PTPRK: variants seen among roughly 807,000 people sequenced by gnomAD.
PTPRK encodes the protein receptor-type tyrosine-protein phosphatase kappa.
Under a neutral mutation model 178.0 loss-of-function variants are expected in PTPRK, and 75 were observed. The observed-to-expected ratio is 0.42, with a 90% CI of 0.35 to 0.51. The LOEUF is 0.51. Among genes scored for constraint, PTPRK ranks in the 20% least tolerant of loss-of-function variants. The pLI is 0.02. For synonymous variants in PTPRK, 637 were observed against 620.6 expected, an observed-to-expected ratio of 1.03 and a Z score of -0.39; for missense variants, 1,441 against 1,797.8, an observed-to-expected ratio of 0.80 and a Z score of 3.59.
chr6:128,105,280 C>G (rs888562479), intron 7 of PTPRK, among the ~76,000 whole-genome samples: 2 of 151,986 alleles, frequency 1.3e-5, no homozygotes, highest in African/African-American at 4.8e-5. Flanking sequence ...ACTACAGGCG[C>G]CCGCCACCAC....
At chr6:128,337,698 C>T (rs1415928223) in intron 2 of PTPRK, among the ~76,000 whole-genome samples, 3 of 152,132 alleles carry the variant, frequency 2.0e-5, no homozygotes, top group South Asian at 2.1e-4. Context: ...CAGCATCACA[C>T]GAGTAATCAA....
intron 1 of PTPRK, among the ~76,000 whole-genome samples, chr6:128,492,844 C>T (rs1854027743): frequency 6.6e-6 from 1 of 152,218 alleles, no homozygotes; most frequent in Admixed American, 6.5e-5. Context: ...TAGTGCCACA[C>T]TTTCCACCTA....
At chr6:128,020,320 A>T (rs948820015) in intron 13 of PTPRK, among the ~76,000 whole-genome samples, 6 of 152,208 alleles carry the variant, frequency 3.9e-5, no homozygotes, top group Non-Finnish European at 7.3e-5. Flanking sequence ...TATATATTTA[A>T]ACATAGTGTT....
chr6:128,038,539 T>C (rs1776612361), intron 13 of PTPRK, among the ~76,000 whole-genome samples: 2 of 152,108 alleles, frequency 1.3e-5, no homozygotes, highest in Admixed American at 6.6e-5. Context: ...TCAATGACAA[T>C]GTCTGCAGAA....
chr6:128,211,772 T>C (rs973922697), intron 6 of PTPRK, among the ~76,000 whole-genome samples: 3 of 152,072 alleles, frequency 2.0e-5, no homozygotes, highest in African/African-American at 7.2e-5. Flanking sequence ...CATATAGTGG[T>C]AGAGAACCCT....
At chr6:128,409,206 T>C (rs1842023835) in intron 1 of PTPRK, 6 of 369,378 alleles carry the variant, frequency 1.6e-5, no homozygotes, top group Admixed American at 1.3e-4. Flanking sequence ...ATTACACCAA[T>C]AGCATTTTAA....
intron 7 of PTPRK, among the ~76,000 whole-genome samples, chr6:128,172,049 A>G (rs1481198027): frequency 6.6e-6 from 1 of 151,990 alleles, no homozygotes; most frequent in Non-Finnish European, 1.5e-5. Context: ...GACTAAGCAG[A>G]GCTTTAAAAA....
At chr6:128,228,754 T>G (rs1356718157) in intron 5 of PTPRK, among the ~76,000 whole-genome samples, 2 of 151,694 alleles carry the variant, frequency 1.3e-5, no homozygotes, top group Non-Finnish European at 2.9e-5. Context: ...AAATACCACA[T>G]ACCTGATGAC....
Position 128,301,288 on chromosome 6 carries a change from C to T in PTPRK, c.495+20751G>A, listed in dbSNP as rs550351286. ...TCCCAAAATAATGTTTTTACTCATA[C>T]ATTATTTTAAATCTTAAAATCAGAA... is the stretch of plus-strand genomic sequence containing the variant. On this transcript the variant is annotated intron_variant, in intron 3 of 29. Transcript: ENST00000368226. 1.3e-4 allele frequency among the ~76,000 whole-genome samples: 20 copies of T among 152,026 alleles called. 1 individual carries two copies. The highest frequency in any genetic ancestry group is 4.6e-4 in the African/African-American group (19 of 41,492).
intron 3 of PTPRK, among the ~76,000 whole-genome samples, chr6:128,298,194 C>G (rs1824855939): frequency 1.3e-5 from 2 of 152,174 alleles, no homozygotes; most frequent in Admixed American, 1.3e-4. Context: ...AGTTGACTCT[C>G]TGAATAGACC....
intron 18 of PTPRK, among the ~76,000 whole-genome samples, chr6:127,994,911 C>CTAA (rs1445094954): frequency 6.6e-6 from 1 of 151,860 alleles, no homozygotes; most frequent in African/African-American, 2.4e-5. Context: ...TTCAGTAACA[C>CTAA]TAATACACAT....
At chr6:128,338,185 G>T (rs1213457003) in intron 2 of PTPRK, among the ~76,000 whole-genome samples, 1 of 152,178 alleles carries the variant, frequency 6.6e-6, no homozygotes, top group East Asian at 1.9e-4. Flanking sequence ...TGATAGGGTG[G>T]TAAGCAAAAT....
At chr6:128,156,546 A>C (rs1299375129) in intron 7 of PTPRK, among the ~76,000 whole-genome samples, 1 of 151,916 alleles carries the variant, frequency 6.6e-6, no homozygotes, top group Non-Finnish European at 1.5e-5. Flanking sequence ...ATCTTGTAAG[A>C]ACTTACTATC....
chr6:128,045,443 A>G (rs1418978149), intron 13 of PTPRK, among the ~76,000 whole-genome samples: 1 of 152,066 alleles, frequency 6.6e-6, no homozygotes, highest in East Asian at 1.9e-4. Context: ...AATAAAATTA[A>G]GAACTCAGGT....
At chr6:128,143,059 T>C (rs1356753933) in intron 7 of PTPRK, among the ~76,000 whole-genome samples, 2 of 152,136 alleles carry the variant, frequency 1.3e-5, no homozygotes, top group Non-Finnish European at 2.9e-5. Flanking sequence ...CTAAAATTGA[T>C]TGGTCCTGAA....
At chr6:128,252,573 C>T (rs1344138224) in intron 3 of PTPRK, among the ~76,000 whole-genome samples, 4 of 152,138 alleles carry the variant, frequency 2.6e-5, no homozygotes, top group African/African-American at 7.2e-5. Context: ...GTGTTCTCTG[C>T]ATATTCTCTA....
intron 2 of PTPRK, among the ~76,000 whole-genome samples, chr6:128,369,912 A>G (rs1325058438): frequency 6.6e-6 from 1 of 151,266 alleles, no homozygotes; most frequent in East Asian, 1.9e-4. Flanking sequence ...CTTGTAAGAG[A>G]AAAAAAAACA....
At chr6:128,186,462 A>C (rs762008760) in intron 6 of PTPRK, among the ~76,000 whole-genome samples, 2 of 152,104 alleles carry the variant, frequency 1.3e-5, no homozygotes, top group African/African-American at 4.8e-5. Flanking sequence ...GCAAACATTT[A>C]TAATTTCTAT....
At chr6:128,122,852 T>C (rs1045684284) in intron 7 of PTPRK, among the ~76,000 whole-genome samples, 2 of 152,202 alleles carry the variant, frequency 1.3e-5, no homozygotes, top group African/African-American at 4.8e-5. Context: ...ACTAATAATA[T>C]ACTCAATTGT....
Sources: gnomAD v4.1 joint callset for allele counts (sites outside exome capture counted in the v4.1 genomes callset) on GRCh38, gnomAD v4.1.1 for gene constraint, MANE v1.5 for transcripts, NCBI Gene and HGNC (gene_info 2026-07-23, HGNC 2026-07-21) for gene names.